SPTAN1: variants seen among roughly 807,000 people sequenced by gnomAD.
SPTAN1 encodes spectrin alpha, non-erythrocytic 1.
Under a neutral mutation model 331.3 loss-of-function variants are expected in SPTAN1, and 61 were observed. That is an observed-to-expected ratio of 0.18 (90% CI 0.15 to 0.23). The LOEUF is 0.23. Among genes scored for constraint, SPTAN1 ranks in the 10% least tolerant of loss-of-function variants. The probability of loss-of-function intolerance (pLI) is 1.00; values close to 1 mark genes in which losing one functional copy is unlikely to be tolerated. For synonymous variants in SPTAN1, 1,153 were observed against 1,173.9 expected, an observed-to-expected ratio of 0.98 and a Z score of 0.36; for missense variants, 2,043 against 3,147.9, an observed-to-expected ratio of 0.65 and a Z score of 8.40.
intron 1 of SPTAN1, among the ~76,000 whole-genome samples, chr9:128,564,967 A>G (rs1237111838): frequency 6.6e-6 from 1 of 152,162 alleles, no homozygotes; most frequent in East Asian, 1.9e-4. Flanking sequence ...GTTGGGCCAG[A>G]TTGTGAAGGT....
chr9:128,597,453 G>A (rs1027494156), intron 24 of SPTAN1, among the ~76,000 whole-genome samples: 3 of 152,188 alleles, frequency 2.0e-5, no homozygotes, highest in African/African-American at 4.8e-5. Flanking sequence ...GAGCCTGGGA[G>A]GTAGAGACTG....
In SPTAN1 at chr9:128,594,183, C is replaced by A; in HGVS notation, c.3224C>A (p.Ser1075Tyr). 1 of 1,614,088 alleles carries A rather than the reference C, an allele frequency of 6.2e-7. No individual in the cohort carries two copies. The highest frequency in any genetic ancestry group is 8.5e-7 in the Non-Finnish European group (1 of 1,179,976). The change falls in exon 24 of 57, where the codon TCT becomes TAT. Residue 1075 changes from serine (S) to tyrosine (Y), a missense_variant. Coordinates refer to ENST00000372739, the MANE Select transcript of SPTAN1 (RefSeq NM_001130438.3). ...CTCTTGAATTCCATCAGATATCATTCTCTGCTGGAACTGGGTGAGAAGCGT... is the reference window on the plus strand; with the variant it reads ...CTCTTGAATTCCATCAGATATCATTATCTGCTGGAACTGGGTGAGAAGCGT... ...RMKQVEELYH[S>Y]LLELGEKRKG...
chr9:128,585,852 T>C lies in SPTAN1; in HGVS notation c.2665T>C (p.Ser889Pro). The change falls in exon 19 of 57, where the codon TCT (serine) becomes CCT (proline). Residue 889 changes from serine to proline, a missense_variant. Physicochemically the swap from Ser to Pro is moderately conservative, Grantham distance 74. This residue lies in a region of SPTAN1 where 1,038 missense variants were observed against 1,531.5 expected (regional missense o/e 0.68). Transcript: ENST00000372739. ...CCAGCGTCGGCAGGACCTGGAGGAC[T>C]CTCTGCAGGCCCAGCAGTACTTTGC... is the stretch of plus-strand genomic sequence containing the variant. Reference protein sequence around the residue: ...ASQRRQDLEDSLQAQQYFADA... With the variant: ...ASQRRQDLEDPLQAQQYFADA... 6.2e-7 allele frequency: 1 copy of C among 1,614,094 alleles called. No individual in the cohort carries two copies. The highest frequency in any genetic ancestry group is 8.5e-7 in the Non-Finnish European group (1 of 1,180,000).
chr9:128,561,662 C>CAAAAAAAAAAAAAAA (rs762156669), intron 1 of SPTAN1, among the ~76,000 whole-genome samples: 992 of 15,962 alleles, frequency 0.062, 367 homozygotes, highest in Non-Finnish European at 0.1. Flanking sequence ...GACTCCGTCT[C>CAAAAAAAAAAAAAAA]AAAAAAAAAA....
chr9:128,626,301 T>G, intron 48 of SPTAN1, 90 bp from the exon 49 acceptor site: 1 of 1,503,102 alleles, frequency 6.7e-7, no homozygotes, highest in Non-Finnish European at 9.2e-7. Context: ...CGCCTCTGAT[T>G]CCCAGGAACC....
chr9:128,630,549 C>A lies in SPTAN1; in HGVS notation c.6762+174C>A. On this transcript the variant is annotated intron_variant, in intron 52 of 56. Transcript: ENST00000372739. ...CTATCTCTCTCTCTTTTCTTTCTTT[C>A]TTCATGGAATCTCTCTCTCGCCCAG... 7.9e-6 allele frequency: 5 copies of A among 629,078 alleles called. No individual in the cohort carries two copies. In the South Asian group the frequency reaches 9.0e-5, roughly 11 times the overall value. 39.0% of individuals were successfully genotyped at this position (629,078 alleles called of 1,614,324 possible).
chr9:128,584,960 A>G (rs1852393858), intron 18 of SPTAN1, 117 bp downstream of exon 18: 1 of 1,223,030 alleles, frequency 8.2e-7, no homozygotes, highest in East Asian at 2.4e-5. Context: ...TACCATCCCC[A>G]TTCTTTCCTA....
intron 51 of SPTAN1, chr9:128,628,703 A>G (rs928498544): frequency 5.9e-6 from 1 of 168,606 alleles, no homozygotes; most frequent in East Asian, 1.7e-4. Context: ...CTCTGCACCC[A>G]GGCACATCAA....
Position 128,577,121 on chromosome 9 carries a change from T to C in SPTAN1, c.786-8T>C. 6.2e-7 allele frequency: 1 copy of C among 1,614,134 alleles called. No individual in the cohort carries two copies. Among genetic ancestry groups the C allele is most frequent in the Non-Finnish European group, 8.5e-7 (1 of 1,180,026 alleles). On this transcript the variant is annotated splice_region_variant and splice_polypyrimidine_tract_variant and intron_variant, in intron 6 of 56. Coordinates refer to ENST00000372739, the MANE Select transcript of SPTAN1 (RefSeq NM_001130438.3). This position sits in a 1 kb window ranked among gnomAD's most constrained non-coding sequence, Gnocchi z 4.2. Reference sequence around the variant, plus strand: ...TGCTGTGGATTAACTGGTGCCTTTGTTCTGTAGGGATGTGGATGAGACTAT... The same window carrying C: ...TGCTGTGGATTAACTGGTGCCTTTGCTCTGTAGGGATGTGGATGAGACTAT...
intron 1 of SPTAN1, chr9:128,555,498 A>G (rs1848531015): frequency 5.0e-6 from 5 of 1,009,678 alleles, no homozygotes; most frequent in Non-Finnish European, 5.3e-6. Flanking sequence ...ATCCAAAGAA[A>G]GGGGGAAAAA....
rs1004458044 is a variant in SPTAN1, at chr9:128,627,374, T to C, written c.6577-12T>C. 4.4e-5 allele frequency: 68 copies of C among 1,548,774 alleles called. No homozygotes were observed. The highest frequency in any genetic ancestry group is 5.2e-5 in the Non-Finnish European group (60 of 1,145,002). On this transcript the variant is annotated splice_polypyrimidine_tract_variant and intron_variant, in intron 49 of 56. Coordinates refer to ENST00000372739, the MANE Select transcript of SPTAN1 (RefSeq NM_001130438.3). The surrounding 1 kb of genome is among the most constrained non-coding windows in gnomAD (Gnocchi z 4.9). ...CAGCAGCGCACAGCATCTGCCCCCC[T>C]TTGGCCCTCAGGAGAGGGAGCTGGA... is the stretch of plus-strand genomic sequence containing the variant.
intron 41 of SPTAN1, among the ~76,000 whole-genome samples, chr9:128,617,360 A>AG (rs1303740672): frequency 2.0e-5 from 3 of 152,162 alleles, no homozygotes; most frequent in East Asian, 1.9e-4. Flanking sequence ...ATAATTTGAT[A>AG]GGGCTCCTCA....
At chr9:128,586,112 G>GTTTTTTTTTTTTTTTTTTTTTTTT (rs35434571) in intron 19 of SPTAN1, 147 bp downstream of exon 19, 2 of 206,702 alleles carry the variant, frequency 9.7e-6, no homozygotes, top group Non-Finnish European at 8.5e-6. Context: ...TTTTCACTTG[G>GTTTTTTTTTTTTTTTTTTTTTTTT]TTTTTTTTTT....
rs764069090 is a variant in SPTAN1, at chr9:128,605,341, C to G, written c.3910C>G (p.Pro1304Ala). 1 of 1,614,190 alleles carries G rather than the reference C, an allele frequency of 6.2e-7. No homozygotes were observed. The highest frequency in any genetic ancestry group is 1.1e-5 in the South Asian group (1 of 91,084). ...AGCAGAGCGCCTGATCCAGTCCCAT[C>G]CCGAGTCAGCAGAAGACCTGCAGGA... ...ETAERLIQSH[P>A]ESAEDLQEKC... The change falls in exon 31 of 57, where the codon CCC (proline) becomes GCC (alanine). Residue 1304 changes from proline to alanine, a missense_variant. Transcript: ENST00000372739.
intron 31 of SPTAN1, among the ~76,000 whole-genome samples, chr9:128,606,192 AAACCCCATCTCTAC>A (rs1855823216): frequency 6.6e-6 from 1 of 151,372 alleles, no homozygotes; most frequent in Non-Finnish European, 1.5e-5. Context: ...CAATATGGTG[AAACCCCATCTCTAC>A]TAAAAATACA....
In SPTAN1 at chr9:128,633,302, G is replaced by A. The variant is rs754362594; in HGVS notation, c.7402G>A (p.Val2468Met). Residue 2468 changes from valine (V) to methionine (M), a missense_variant, in exon 57 of 57, where the codon GTG becomes ATG. Val to Met is a conservative substitution (Grantham distance 21). Transcript: ENST00000372739. Reference sequence around the variant, plus strand: ...CGAGCTCCCCACCGCGTTCGACTACGTGGAGTTCACCCGCTCGCTTTTCGT... The same window carrying A: ...CGAGCTCCCCACCGCGTTCGACTACATGGAGTTCACCCGCTCGCTTTTCGT... ...GRELPTAFDY[V>M]EFTRSLFVN 121 of 1,613,870 alleles carry A rather than the reference G, an allele frequency of 7.5e-5. 1 individual carries two copies. The highest frequency in any genetic ancestry group is 3.3e-4 in the Middle Eastern group (2 of 6,084).
chr9:128,561,662 CAAA>C (rs762156669), intron 1 of SPTAN1, among the ~76,000 whole-genome samples: 27 of 15,982 alleles, frequency 1.7e-3, no homozygotes, highest in Admixed American at 8.5e-3. Context: ...GACTCCGTCT[CAAA>C]AAAAAAAAAA....
chr9:128,631,873 T>C (rs569168004), intron 52 of SPTAN1: 4 of 545,674 alleles, frequency 7.3e-6, no homozygotes, highest in African/African-American at 5.6e-5. Flanking sequence ...GCCGTACTTG[T>C]CCTTGGCGTG....
At chr9:128,562,226 C>T (rs1849459933) in intron 1 of SPTAN1, among the ~76,000 whole-genome samples, 1 of 152,120 alleles carries the variant, frequency 6.6e-6, no homozygotes, top group African/African-American at 2.4e-5. Context: ...CCTCAGCCTC[C>T]CGAGTAGCTG....
Sources: allele counts gnomAD v4.1 joint callset (sites outside exome capture counted in the v4.1 genomes callset), GRCh38; gene constraint gnomAD v4.1.1; regional missense constraint gnomAD v4.1.1; non-coding constraint Gnocchi (gnomAD v3.1); transcripts MANE v1.5; gene names NCBI Gene and HGNC (gene_info 2026-07-23, HGNC 2026-07-21).